The following WWOX variants were observed in gnomAD, a reference collection of about 807,000 sequenced individuals.
WWOX encodes WW domain containing oxidoreductase, also known as WW domain-containing oxidoreductase.
In WWOX, 69 loss-of-function variants were observed where a neutral mutation model predicts 46.2. That is an observed-to-expected ratio of 1.49 (90% confidence interval 1.23 to 1.82). WWOX has a LOEUF of 1.82. WWOX is among the 40% of genes most tolerant of loss of function. The pLI is 0.00. For synonymous variants in WWOX, 359 were observed against 202.6 expected, an observed-to-expected ratio of 1.77 and a Z score of -6.56; for missense variants, 919 against 542.6, an observed-to-expected ratio of 1.69 and a Z score of -6.89.
chr16:78,556,260 C>G (rs562329209), intron 8 of WWOX, among the ~76,000 whole-genome samples: 13 of 143,224 alleles, frequency 9.1e-5, no homozygotes, highest in South Asian at 8.7e-4. Flanking sequence ...CCCTCCTCCT[C>G]TAAAAAAAAA....
intron 8 of WWOX, among the ~76,000 whole-genome samples, chr16:78,853,292 C>T (rs1195429739): frequency 6.6e-6 from 1 of 152,076 alleles, no homozygotes; most frequent in East Asian, 1.9e-4. Flanking sequence ...GTGATCTCGG[C>T]TCACTGCAAC....
At chr16:78,917,795 G>C (rs377223987) in intron 8 of WWOX, among the ~76,000 whole-genome samples, 4 of 152,084 alleles carry the variant, frequency 2.6e-5, no homozygotes, top group South Asian at 4.2e-4. Context: ...TTTAAAGTTT[G>C]AGAAAAACCC....
intron 8 of WWOX, among the ~76,000 whole-genome samples, chr16:79,010,026 T>C (rs529354766): frequency 6.6e-6 from 1 of 152,306 alleles, no homozygotes; most frequent in South Asian, 2.1e-4. Flanking sequence ...TAATGGGTCT[T>C]GAGTATGCCT....
chr16:78,132,929 A>G (rs1886251863), intron 4 of WWOX, among the ~76,000 whole-genome samples: 1 of 152,208 alleles, frequency 6.6e-6, no homozygotes, highest in Non-Finnish European at 1.5e-5. Context: ...GTATTTGAAC[A>G]TGAAGTAGAG....
intron 4 of WWOX, among the ~76,000 whole-genome samples, chr16:78,127,354 C>T (rs1408442862): frequency 6.6e-6 from 1 of 151,876 alleles, no homozygotes; most frequent in Non-Finnish European, 1.5e-5. Flanking sequence ...TTCCTGGTTC[C>T]CAGATCCTCA....
chr16:78,500,608 G>A (rs994926223), intron 8 of WWOX, among the ~76,000 whole-genome samples: 3 of 152,248 alleles, frequency 2.0e-5, no homozygotes, highest in South Asian at 4.1e-4. Flanking sequence ...GGGTAGGGTA[G>A]GTAGATGACT....
intron 8 of WWOX, among the ~76,000 whole-genome samples, chr16:79,137,053 G>A (rs1012475668): frequency 1.3e-5 from 2 of 152,160 alleles, no homozygotes; most frequent in African/African-American, 4.8e-5. Context: ...CCAAGGGTTA[G>A]TCGTAGCCCT....
intron 8 of WWOX, among the ~76,000 whole-genome samples, chr16:79,093,381 T>C (rs2049003698): frequency 6.6e-6 from 1 of 152,206 alleles, no homozygotes. Flanking sequence ...GTCCTTTCAA[T>C]TATGAGATCA....
At chr16:78,961,319 A>G (rs896688493) in intron 8 of WWOX, among the ~76,000 whole-genome samples, 4 of 152,234 alleles carry the variant, frequency 2.6e-5, no homozygotes, top group South Asian at 2.1e-4. Flanking sequence ...GCCTAAATTG[A>G]TGTAGTTCTC....
At position 78,321,303 on chromosome 16, in the gene WWOX, CGTATATATAT is replaced by C. The variant is rs1567499021; in HGVS notation, c.517-65555_517-65546del. ...ATATATATATATACGTATATATATA[CGTATATATAT>C]GCGTATATATATACGTATATATGCG... On this transcript the variant is annotated intron_variant, in intron 5 of 8. Coordinates refer to ENST00000566780, the MANE Select transcript of WWOX (RefSeq NM_016373.4). Among the ~76,000 whole-genome samples, 48 of 73,552 alleles carry C rather than the reference CGTATATATAT, an allele frequency of 6.5e-4. No individual in the cohort carries two copies. In the East Asian group the frequency reaches 8.0e-3, roughly 12 times the overall value. 48.3% of individuals were successfully genotyped at this position (73,552 alleles called of 152,430 possible). A position where few individuals can be genotyped will look rare whatever the true frequency, so the allele number is the denominator to read the frequency against.
intron 8 of WWOX, among the ~76,000 whole-genome samples, chr16:78,586,608 A>T (rs368959895): frequency 6.6e-6 from 1 of 152,214 alleles, no homozygotes; most frequent in South Asian, 2.1e-4. Flanking sequence ...AACTTGCTCA[A>T]TGTAACCAAG....
At chr16:78,409,844 C>G (rs938213390) in intron 6 of WWOX, among the ~76,000 whole-genome samples, 5 of 152,294 alleles carry the variant, frequency 3.3e-5, no homozygotes, top group East Asian at 1.9e-4. Flanking sequence ...CCCTGTAGTC[C>G]CATTTCCCTC....
intron 5 of WWOX, among the ~76,000 whole-genome samples, chr16:78,357,596 A>G (rs960792334): frequency 6.6e-6 from 1 of 152,176 alleles, no homozygotes; most frequent in Non-Finnish European, 1.5e-5. Context: ...GGGCTATTCT[A>G]TGCTAAACAT....
chr16:79,066,729 C>A (rs1290572933), intron 8 of WWOX, among the ~76,000 whole-genome samples: 2 of 152,200 alleles, frequency 1.3e-5, no homozygotes, highest in Admixed American at 6.5e-5. Context: ...CCTCAAGGGA[C>A]CACCTGCCTT....
At chr16:79,058,093 G>C (rs2048295404) in intron 8 of WWOX, among the ~76,000 whole-genome samples, 1 of 141,874 alleles carries the variant, frequency 7.0e-6, no homozygotes, top group African/African-American at 2.7e-5. Context: ...CAGAGTAGGA[G>C]ATATATCTTA....
intron 8 of WWOX, among the ~76,000 whole-genome samples, chr16:78,978,304 T>C (rs540252864): frequency 6.6e-6 from 1 of 152,336 alleles, no homozygotes; most frequent in African/African-American, 2.4e-5. Context: ...CTGTGAATAA[T>C]TGCATATGAG....
At chr16:79,145,878 AAG>A (rs2050174523) in intron 8 of WWOX, among the ~76,000 whole-genome samples, 6 of 152,220 alleles carry the variant, frequency 3.9e-5, no homozygotes, top group Admixed American at 3.9e-4. Context: ...ATAAATGTAT[AAG>A]AGTGATCAAA....
intron 4 of WWOX, among the ~76,000 whole-genome samples, chr16:78,128,222 G>A (rs1459598710): frequency 6.6e-6 from 1 of 152,034 alleles, no homozygotes; most frequent in Non-Finnish European, 1.5e-5. Flanking sequence ...TATGGGGAGA[G>A]GTTTCTGCAA....
chr16:78,414,252 T>A (rs1348342876), intron 6 of WWOX, among the ~76,000 whole-genome samples: 2 of 152,122 alleles, frequency 1.3e-5, no homozygotes, highest in East Asian at 3.9e-4. Flanking sequence ...TCAAACTCCG[T>A]CTGCCTGCAC....
Sources: gnomAD v4.1 joint callset for allele counts (sites outside exome capture counted in the v4.1 genomes callset) on GRCh38, gnomAD v4.1.1 for gene constraint, MANE v1.5 for transcripts, NCBI Gene and HGNC (gene_info 2026-07-23, HGNC 2026-07-21) for gene names.